The following UMAD1 variants were observed in gnomAD, a reference collection of about 807,000 sequenced individuals.
UMAD1 encodes the protein UBAP1-MVB12-associated (UMA)-domain containing protein 1.
In UMAD1, 8 loss-of-function variants were observed where a neutral mutation model predicts 6.1. That is an observed-to-expected ratio of 1.30 (90% CI 0.76 to 2.35). The LOEUF is 2.35. Ranked by LOEUF, UMAD1 falls within the 30% of genes most tolerant of loss-of-function variation. The probability of loss-of-function intolerance (pLI) is 0.00; values close to 1 mark genes in which losing one functional copy is unlikely to be tolerated. For missense variants in UMAD1, 130 were observed against 78.4 expected (o/e 1.66, Z -2.49); for synonymous variants, 56 against 31.4 (o/e 1.78, Z -2.61).
At chr7:7,759,543 G>C (rs1051339813) in intron 2 of UMAD1, among the ~76,000 whole-genome samples, 2 of 151,980 alleles carry the variant, frequency 1.3e-5, no homozygotes, top group African/African-American at 4.8e-5. Flanking sequence ...TCTCTTTTTT[G>C]CTTCGTACAT....
chr7:7,787,501 T>C lies in UMAD1; in HGVS notation c.83-14169T>C, dbSNP rs1462092504. 2.0e-5 allele frequency among the ~76,000 whole-genome samples: 3 copies of C among 152,210 alleles called. No individual in the cohort carries two copies. The East Asian group carries it at 5.8e-4, about 29-fold the overall frequency. ...GCAACCTTTAAAATACAGCATTGAA[T>C]ACAATATGATAAATAAAATTACTTT... is the stretch of plus-strand genomic sequence containing the variant. On this transcript the variant is annotated intron_variant, in intron 2 of 3. Coordinates refer to ENST00000682710, the MANE Select transcript of UMAD1 (RefSeq NM_001302348.2).
chr7:7,742,436 C>T, intron 2 of UMAD1: 1 of 554,434 alleles, frequency 1.8e-6, no homozygotes, highest in Non-Finnish European at 3.5e-6. Flanking sequence ...GCAGATCTTT[C>T]TTTTTTTCTT....
rs748776828 is a variant in UMAD1, at chr7:7,877,597, C to T, written c.*59C>T. The T allele has an allele frequency of 2.5e-5, 17 of 686,162 alleles. No homozygotes were observed. The Middle Eastern group carries it at 1.4e-3, about 56-fold the overall frequency. 42.5% of individuals were successfully genotyped at this position (686,162 alleles called of 1,614,324 possible). ...AATATGTTCGCCTATTTTATCTAAC[C>T]TGTTTGATGTTCTTTGCCGTTTCAC... is the stretch of plus-strand genomic sequence containing the variant. On this transcript the variant is annotated 3_prime_UTR_variant, in exon 4 of 4. Transcript: ENST00000682710.
intron 1 of UMAD1, among the ~76,000 whole-genome samples, chr7:7,668,856 G>T (rs1779535197): frequency 1.3e-5 from 2 of 152,138 alleles, no homozygotes; most frequent in South Asian, 4.1e-4. Flanking sequence ...AAGCCCTCAA[G>T]GCCTCAGGAG....
At chr7:7,700,290 T>G (rs1583751478) in intron 2 of UMAD1, among the ~76,000 whole-genome samples, 1 of 152,202 alleles carries the variant, frequency 6.6e-6, no homozygotes, top group African/African-American at 2.4e-5. Flanking sequence ...TCCATTCATG[T>G]GTACTTCACC....
At chr7:7,826,255 A>C (rs1783339328) in intron 3 of UMAD1, among the ~76,000 whole-genome samples, 1 of 152,110 alleles carries the variant, frequency 6.6e-6, no homozygotes. Flanking sequence ...TAGGCAATTG[A>C]GGGCTGATAA....
intron 1 of UMAD1, among the ~76,000 whole-genome samples, chr7:7,648,024 C>T (rs781710035): frequency 1.4e-4 from 22 of 152,184 alleles, no homozygotes; most frequent in Admixed American, 9.2e-4. Context: ...GGAGACAAGA[C>T]CCATGGGCTT....
At chr7:7,794,890 A>G (rs1436622474) in intron 2 of UMAD1, among the ~76,000 whole-genome samples, 1 of 152,186 alleles carries the variant, frequency 6.6e-6, no homozygotes, top group African/African-American at 2.4e-5. Flanking sequence ...GATATTCTCT[A>G]TAGGGCTGTT....
At chr7:7,834,917 G>C (rs1272916240) in intron 3 of UMAD1, among the ~76,000 whole-genome samples, 2 of 152,086 alleles carry the variant, frequency 1.3e-5, no homozygotes, top group African/African-American at 4.8e-5. Flanking sequence ...GGGGAAGTAA[G>C]GCATGTCTTC....
intron 3 of UMAD1, among the ~76,000 whole-genome samples, chr7:7,847,467 G>C (rs1031334167): frequency 2.6e-5 from 4 of 151,888 alleles, no homozygotes; most frequent in Middle Eastern, 3.4e-3. Flanking sequence ...TTATGACATT[G>C]TCTCCTTTCC....
intron 2 of UMAD1, among the ~76,000 whole-genome samples, chr7:7,743,856 C>G (rs577966336): frequency 6.6e-6 from 1 of 151,830 alleles, no homozygotes; most frequent in Non-Finnish European, 1.5e-5. Flanking sequence ...AAACCATCAC[C>G]ACTGTCTATT....
chr7:7,739,167 T>G (rs1583787977), intron 2 of UMAD1, among the ~76,000 whole-genome samples: 1 of 152,228 alleles, frequency 6.6e-6, no homozygotes, highest in African/African-American at 2.4e-5. Context: ...TGTAGGAAAT[T>G]AGCATAGTTT....
intron 3 of UMAD1, among the ~76,000 whole-genome samples, chr7:7,815,068 A>G (rs1783098708): frequency 6.6e-6 from 1 of 152,152 alleles, no homozygotes; most frequent in Admixed American, 6.5e-5. Context: ...GATTTTTGAT[A>G]TCAGTATAGA....
At chr7:7,658,210 G>T (rs1014073028) in intron 1 of UMAD1, among the ~76,000 whole-genome samples, 3 of 152,342 alleles carry the variant, frequency 2.0e-5, no homozygotes, top group African/African-American at 7.2e-5. Context: ...GAGATTTTGG[G>T]CTGAGACGAT....
intron 2 of UMAD1, among the ~76,000 whole-genome samples, chr7:7,690,505 C>CT (rs1422331977): frequency 6.6e-6 from 1 of 151,916 alleles, no homozygotes; most frequent in African/African-American, 2.4e-5. Context: ...TAAATGTTTA[C>CT]TTTTTTATTA....
chr7:7,848,762 T>A (rs886418197), intron 3 of UMAD1, among the ~76,000 whole-genome samples: 4 of 152,094 alleles, frequency 2.6e-5, no homozygotes, highest in Non-Finnish European at 4.4e-5. Context: ...GAAAGTCAAG[T>A]CTGCTTTTAG....
chr7:7,721,608 G>T (rs1008565588), intron 2 of UMAD1, among the ~76,000 whole-genome samples: 1 of 152,176 alleles, frequency 6.6e-6, no homozygotes, highest in South Asian at 2.1e-4. Context: ...TCTTCTACTG[G>T]AATGAAAACT....
intron 3 of UMAD1, among the ~76,000 whole-genome samples, chr7:7,863,203 G>C (rs1784147064): frequency 1.3e-5 from 2 of 152,310 alleles, no homozygotes; most frequent in Middle Eastern, 6.8e-3. Flanking sequence ...AAGACCCAAA[G>C]TGTAAGTCTC....
At chr7:7,661,009 GTTTTTT>G (rs140344078) in intron 1 of UMAD1, among the ~76,000 whole-genome samples, 1 of 150,564 alleles carries the variant, frequency 6.6e-6, no homozygotes, top group African/African-American at 2.4e-5. Flanking sequence ...CCTTTTGATT[GTTTTTT>G]TTTTGTTTTG....
Sources: allele counts gnomAD v4.1 joint callset (sites outside exome capture counted in the v4.1 genomes callset), GRCh38; gene constraint gnomAD v4.1.1; transcripts MANE v1.5; gene names NCBI Gene and HGNC (gene_info 2026-07-23, HGNC 2026-07-21).